The following HIPK2 variants were observed in gnomAD, a reference collection of about 807,000 sequenced individuals.
HIPK2 encodes the protein homeodomain interacting protein kinase 2.
HIPK2 carries 27 observed loss-of-function variants against 113.7 expected under a neutral mutation model. The observed-to-expected ratio is 0.24, with a 90% CI of 0.17 to 0.33. The LOEUF (loss-of-function observed/expected upper bound fraction) is 0.33. Ranked by LOEUF, HIPK2 falls within the 10% of genes least tolerant of loss-of-function variation. The pLI, the probability that HIPK2 is intolerant of heterozygous loss-of-function variation, is 1.00. For synonymous variants in HIPK2, 631 were observed against 642.2 expected (o/e 0.98, Z 0.26); for missense variants, 1,257 against 1,588.0 (o/e 0.79, Z 3.54).
chr7:139,719,277 T>G (rs978074905), intron 1 of HIPK2, among the ~76,000 whole-genome samples: 1 of 152,128 alleles, frequency 6.6e-6, no homozygotes, highest in African/African-American at 2.4e-5. Context: ...CAGCTAATTT[T>G]CATATTTTTA....
At chr7:139,655,167 T>C (rs1400250848) in intron 2 of HIPK2, among the ~76,000 whole-genome samples, 2 of 152,208 alleles carry the variant, frequency 1.3e-5, no homozygotes, top group South Asian at 2.1e-4. Context: ...GAATTCTCAG[T>C]GCCCATAAGG....
chr7:139,649,248 G>C (rs1039398327), intron 2 of HIPK2, among the ~76,000 whole-genome samples: 2 of 152,094 alleles, frequency 1.3e-5, no homozygotes, highest in African/African-American at 2.4e-5. Context: ...CACTGCTGCG[G>C]CGGGTGGCTG....
intron 1 of HIPK2, among the ~76,000 whole-genome samples, chr7:139,763,944 TG>T (rs1405622175): frequency 6.6e-6 from 1 of 152,160 alleles, no homozygotes; most frequent in Non-Finnish European, 1.5e-5. Context: ...TGCATTTTGG[TG>T]TGTTTTGTTG....
chr7:139,633,225 C>T (rs1585304049), intron 2 of HIPK2, among the ~76,000 whole-genome samples: 1 of 151,656 alleles, frequency 6.6e-6, no homozygotes, highest in East Asian at 1.9e-4. Context: ...GAAGAGGCTA[C>T]TTTCCTACCC....
intron 1 of HIPK2, among the ~76,000 whole-genome samples, chr7:139,722,940 T>C (rs1333965421): frequency 2.6e-5 from 4 of 151,934 alleles, no homozygotes; most frequent in Admixed American, 6.6e-5. Context: ...CATAGCTCAT[T>C]GCAGCCTCGA....
Position 139,600,459 on chromosome 7 carries a change from G to C in HIPK2, c.2393C>G (p.Thr798Ser). Residue 798 changes from threonine to serine, a missense_variant, in exon 11 of 15, where the codon ACC (threonine) becomes AGC (serine). Physicochemically the swap from Thr to Ser is moderately conservative, Grantham distance 58. Around this residue, in one of 5 missense-constraint regions of HIPK2, gnomAD observed 862 missense variants for 1,004.3 expected, o/e 0.86. Coordinates refer to ENST00000406875, the MANE Select transcript of HIPK2 (RefSeq NM_022740.5). ...CTGCTTACTCTTCCGGGAGGAGGTG[G>C]TGCTGGTTGGCTGCTGCCGCATCAC... ...AHVMRQQPTS[T>S]TSSRKSKQHQ... 1 of 1,613,880 alleles carries C rather than the reference G, an allele frequency of 6.2e-7. No individual in the cohort carries two copies. Among genetic ancestry groups the C allele is most frequent in the South Asian group, 1.1e-5 (1 of 91,076 alleles).
chr7:139,733,267 G>A (rs1310496321), intron 1 of HIPK2, among the ~76,000 whole-genome samples: 2 of 152,148 alleles, frequency 1.3e-5, no homozygotes, highest in East Asian at 1.9e-4. Flanking sequence ...TTATAGCAAT[G>A]CAAGAATGGA....
At position 139,562,942 on chromosome 7, in the gene HIPK2, TATTTC is replaced by T. The variant is rs886422796; in HGVS notation, c.*9980_*9984del. ...TGCCCCAAAGTATGACTTTCTTGTC[TATTTC>T]ATTTGGTTAAAAAAATGCACACACA... On this transcript the variant is annotated 3_prime_UTR_variant, in exon 15 of 15. Coordinates refer to ENST00000406875, the MANE Select transcript of HIPK2 (RefSeq NM_022740.5). 1.3e-5 allele frequency: 2 copies of T among 152,276 alleles called. No individual in the cohort carries two copies. Among genetic ancestry groups the T allele is most frequent in the African/African-American group, 4.8e-5 (2 of 41,472 alleles). 9.4% of individuals were successfully genotyped at this position (152,276 alleles called of 1,614,324 possible). A position where few individuals can be genotyped will look rare whatever the true frequency, so the allele number is the denominator to read the frequency against.
At chr7:139,738,349 T>C (rs1017804612) in intron 1 of HIPK2, among the ~76,000 whole-genome samples, 61 of 152,260 alleles carry the variant, frequency 4.0e-4, no homozygotes, top group African/African-American at 1.4e-3. Flanking sequence ...GAGCTCTGTG[T>C]GCTGCTGAAG....
chr7:139,600,685 G>A (rs919371069), intron 10 of HIPK2, 89 bp from the exon 11 acceptor site: 67 of 1,422,798 alleles, frequency 4.7e-5, no homozygotes, highest in Admixed American at 1.4e-4. Flanking sequence ...CCAATTAAAC[G>A]CTGACTGCAG....
At chr7:139,637,592 T>C (rs567476596) in intron 2 of HIPK2, among the ~76,000 whole-genome samples, 1 of 152,298 alleles carries the variant, frequency 6.6e-6, no homozygotes, top group African/African-American at 2.4e-5. Flanking sequence ...TTAGTCTTCA[T>C]ATAGGGTGCC....
chr7:139,684,479 G>A (rs1794157266), intron 2 of HIPK2, among the ~76,000 whole-genome samples: 2 of 152,224 alleles, frequency 1.3e-5, no homozygotes, highest in Admixed American at 1.3e-4. Flanking sequence ...CACTTTGGGA[G>A]GCTAAGGCGG....
At chr7:139,596,441 G>A (rs1446382063) in intron 12 of HIPK2, among the ~76,000 whole-genome samples, 2 of 152,202 alleles carry the variant, frequency 1.3e-5, no homozygotes, top group Non-Finnish European at 2.9e-5. Flanking sequence ...GGCATTGTGT[G>A]CCCGATTTTT....
intron 12 of HIPK2, among the ~76,000 whole-genome samples, chr7:139,591,106 C>G (rs1004163035): frequency 2.0e-5 from 3 of 152,314 alleles, no homozygotes; most frequent in East Asian, 1.9e-4. Context: ...CTTGGCCTCC[C>G]CAAGTGCTGG....
chr7:139,624,744 GC>G (rs1281538275), intron 6 of HIPK2, among the ~76,000 whole-genome samples: 1 of 152,170 alleles, frequency 6.6e-6, no homozygotes, highest in Admixed American at 6.5e-5. Context: ...TCTCTGGCTA[GC>G]CTCATCAGCT....
intron 2 of HIPK2, among the ~76,000 whole-genome samples, chr7:139,709,601 G>A (rs1051490659): frequency 6.6e-6 from 1 of 152,166 alleles, no homozygotes; most frequent in Admixed American, 6.5e-5. Context: ...GCCACAGACT[G>A]AACCACCAAT....
chr7:139,620,032 G>A (rs1377966439), intron 7 of HIPK2, among the ~76,000 whole-genome samples: 1 of 152,108 alleles, frequency 6.6e-6, no homozygotes, highest in Non-Finnish European at 1.5e-5. Context: ...CAAAGTGCTG[G>A]GGTTATAGGC....
At chr7:139,666,337 TG>T (rs1802048812) in intron 2 of HIPK2, among the ~76,000 whole-genome samples, 1 of 152,168 alleles carries the variant, frequency 6.6e-6, no homozygotes, top group Non-Finnish European at 1.5e-5. Context: ...GGGGCTGCCG[TG>T]GTGTGTCCTC....
chr7:139,743,106 G>C (rs1245262752), intron 1 of HIPK2, among the ~76,000 whole-genome samples: 1 of 152,204 alleles, frequency 6.6e-6, no homozygotes, highest in African/African-American at 2.4e-5. Context: ...TGCAGGAAGA[G>C]ACCCCAGCCA....
Sources: gnomAD v4.1 joint callset for allele counts (sites outside exome capture counted in the v4.1 genomes callset) on GRCh38, gnomAD v4.1.1 for gene constraint, gnomAD v4.1.1 regional missense constraint, MANE v1.5 for transcripts, NCBI Gene and HGNC (gene_info 2026-07-23, HGNC 2026-07-21) for gene names.